Variants in PASK observed in about 807,000 individuals in gnomAD.
PASK encodes the protein PAS domain containing serine/threonine kinase, also known as PAS domain-containing serine/threonine-protein kinase.
A neutral mutation model predicts 121.0 loss-of-function variants in PASK; 110 were observed. The observed-to-expected ratio is 0.91, with a 90% CI of 0.78 to 1.06. The LOEUF is 1.06. Among genes scored for constraint, PASK ranks in the 50% least tolerant of loss-of-function variants. PASK has a pLI of 0.00. For missense variants in PASK, 1,643 were observed against 1,702.3 expected (o/e 0.97, Z 0.61); for synonymous variants, 686 against 717.8 (o/e 0.96, Z 0.71).
At chr2:241,150,153 C>T (rs1177481162), upstream of PASK, 4 of 1,270,882 alleles carry the variant, frequency 3.1e-6, no homozygotes, top group African/African-American at 6.2e-5. Flanking sequence ...CATAAGTCAA[C>T]TCTCAAGCCC....
rs1345418054 is a variant in PASK, at chr2:241,112,515, A to C, written c.3334-76T>G. 1.2e-6 allele frequency: 1 copy of C among 814,390 alleles called. No individual in the cohort carries two copies. The allele number at this position is 814,390 out of a possible 1,614,324, so 50.4% of individuals were successfully genotyped here. A position where few individuals can be genotyped will look rare whatever the true frequency, so the allele number is the denominator to read the frequency against. On this transcript the variant is annotated intron_variant, in intron 14 of 17. Coordinates refer to ENST00000234040, the MANE Select transcript of PASK (RefSeq NM_015148.4). The surrounding 1 kb of genome is among the most constrained non-coding windows in gnomAD (Gnocchi z 5.2). ...ATATGCATTTAAAATAAACTGGAAC[A>C]AAAAAAAACACAAAGAAAAAATAAA...
At chr2:241,110,756 C>T (rs1286508287) in intron 15 of PASK, among the ~76,000 whole-genome samples, 5 of 152,086 alleles carry the variant, frequency 3.3e-5, no homozygotes, top group African/African-American at 4.8e-5. Context: ...CCCTCCAGCA[C>T]GGAGGGCACG....
At chr2:241,150,215 G>A (rs182116419), upstream of PASK, 12 of 1,274,352 alleles carry the variant, frequency 9.4e-6, no homozygotes, top group Admixed American at 4.8e-4. Flanking sequence ...CTGCAGCTAC[G>A]GCTCTGTGCG....
intron 14 of PASK, chr2:241,114,429 C>T (rs970797056): frequency 4.6e-5 from 46 of 992,836 alleles, no homozygotes; most frequent in South Asian, 4.5e-5. Context: ...GGGAGCAGTA[C>T]AGGATGGAAC....
upstream of PASK, chr2:241,149,716 G>A (rs560111033): frequency 2.1e-5 from 33 of 1,550,646 alleles, no homozygotes; most frequent in African/African-American, 3.9e-4. Context: ...TGGGTGAGTA[G>A]CGCAGAGCTC....
At chr2:241,125,609 G>GAAAAAAAAAAAAAAAAAAAA (rs11353969) in intron 10 of PASK, among the ~76,000 whole-genome samples, 1 of 118,396 alleles carries the variant, frequency 8.4e-6, no homozygotes, top group African/African-American at 2.9e-5. Context: ...CAAAAAAAAA[G>GAAAAAAAAAAAAAAAAAAAA]AAAAAAAAAA....
At position 241,126,279 on chromosome 2, in the gene PASK, A is replaced by G. The variant is rs1386720295; in HGVS notation, c.2636T>C (p.Met879Thr). ...VQVTSTPVIV[M>T]RGAAGLQREI... The stretch of plus-strand genomic sequence containing the variant: ...CCGCTGCAGGCCAGCAGCCCCGCGC[A>G]TCACGATCACGGGCGTGGAGGTGAC... Residue 879 changes from methionine (M) to threonine (T), a missense_variant, in exon 10 of 18, where the codon ATG (methionine) becomes ACG (threonine). Met to Thr is a moderately conservative substitution (Grantham distance 81). This residue lies in a region of PASK where 1,176 missense variants were observed against 1,162.2 expected (regional missense o/e 1.01). Transcript: ENST00000234040. 5 of 1,614,072 alleles carry G rather than the reference A, an allele frequency of 3.1e-6. No individual in the cohort carries two copies. In the South Asian group the frequency reaches 3.3e-5, roughly 11 times the overall value.
At chr2:241,111,959 T>G (rs1473628692) in intron 15 of PASK, among the ~76,000 whole-genome samples, 2 of 152,236 alleles carry the variant, frequency 1.3e-5, no homozygotes, top group Non-Finnish European at 2.9e-5. Context: ...AGTGCCATTT[T>G]GGGGGACTCT....
chr2:241,128,915 GA>G (rs1291117061), intron 9 of PASK, among the ~76,000 whole-genome samples: 1 of 151,960 alleles, frequency 6.6e-6, no homozygotes, highest in Admixed American at 6.5e-5. Context: ...GTTCCACAGA[GA>G]AAGGGATTGT....
intron 8 of PASK, among the ~76,000 whole-genome samples, chr2:241,135,007 C>T (rs988170090): frequency 6.6e-6 from 1 of 152,186 alleles, no homozygotes; most frequent in African/African-American, 2.4e-5. Context: ...TGGAAGCAGC[C>T]AGGGGCCTGC....
intron 8 of PASK, 79 bp from the exon 9 acceptor site, chr2:241,133,109 A>T: frequency 7.2e-7 from 1 of 1,388,720 alleles, no homozygotes; most frequent in Non-Finnish European, 1.0e-6. Context: ...CCTGGAACTC[A>T]CTGAGACTGC....
At chr2:241,133,233 G>A in intron 8 of PASK, 5 of 643,260 alleles carry the variant, frequency 7.8e-6, no homozygotes, top group South Asian at 1.7e-5. Context: ...GACACCTGCA[G>A]CCAGCTACCA....
rs777980574 is a variant in PASK, at chr2:241,135,993, G to T, written c.1184C>A (p.Ala395Glu). 1.2e-6 allele frequency: 2 copies of T among 1,613,778 alleles called. No homozygotes were observed. The highest frequency in any genetic ancestry group is 1.7e-6 in the Non-Finnish European group (2 of 1,179,626). ...IPGFYSYMDL[A>E]YNSSLQLPDL... Reference sequence around the variant, plus strand: ...TGGGAGCTGTAATGAGCTGTTGTACGCAAGGTCCATGTAGCTGTAGAAACC... The same window carrying T: ...TGGGAGCTGTAATGAGCTGTTGTACTCAAGGTCCATGTAGCTGTAGAAACC... The change falls in exon 8 of 18, where the codon GCG (alanine) becomes GAG (glutamate). Residue 395 changes from alanine (A) to glutamate (E), a missense_variant. Transcript: ENST00000234040.
intron 10 of PASK, among the ~76,000 whole-genome samples, chr2:241,125,889 G>A (rs55940205): frequency 0.066 from 10,101 of 152,114 alleles, 470 homozygotes; most frequent in East Asian, 0.21. Context: ...TGCTCCCGAC[G>A]GGATCTCCCC....
chr2:241,115,973 T>C (rs368111405), intron 12 of PASK, among the ~76,000 whole-genome samples: 21 of 86,644 alleles, frequency 2.4e-4, no homozygotes, highest in East Asian at 2.1e-3. Context: ...CACCTGGTCC[T>C]CAAGCATCCC....
At chr2:241,106,824 G>T (rs1292946508) in intron 17 of PASK, 101 bp from the exon 18 acceptor site, 7 of 1,182,556 alleles carry the variant, frequency 5.9e-6, no homozygotes, top group African/African-American at 1.5e-5. Flanking sequence ...AGCCTAAGGT[G>T]AGGCCCTCAG....
At chr2:241,150,202 T>C, upstream of PASK, 1 of 1,273,244 alleles carries the variant, frequency 7.9e-7, no homozygotes, top group Non-Finnish European at 9.9e-7. Context: ...CCACTCCGTC[T>C]GCCTGCAGCT....
rs555625605 is a variant in PASK, at chr2:241,138,040, G to T, written c.789C>A (p.Tyr263Ter). The T allele has an allele frequency of 1.2e-6, 2 of 1,614,124 alleles. No individual in the cohort carries two copies. The highest frequency in any genetic ancestry group is 1.7e-6 in the Non-Finnish European group (2 of 1,179,932). ...CDSLFAHLHG[Y>*]VSGEDVAGQH... ...GCCCAGCCACGTCCTCCCCAGACAC[G>T]TACCCGTGAAGATGAGCAAAGAGAC... The change falls in exon 6 of 18, where the codon TAC becomes TAA. Residue 263 changes from tyrosine to a stop codon, truncating the protein, a stop_gained. Coordinates refer to ENST00000234040, the MANE Select transcript of PASK (RefSeq NM_015148.4). LOFTEE classifies it high-confidence loss of function.
Position 241,138,675 on chromosome 2 carries a change from G to C in PASK, c.720C>G (p.Thr240=), listed in dbSNP as rs1459297571. 4 of 1,613,956 alleles carry C rather than the reference G, an allele frequency of 2.5e-6. No individual in the cohort carries two copies. Among genetic ancestry groups the C allele is most frequent in the East Asian group, 2.2e-5 (1 of 44,896 alleles). The part of the protein sequence containing the change: ...VVLEPVERVS[T]WVAFQSDGTV... The stretch of plus-strand genomic sequence containing the variant: ...TCACATCGCTCTGGAAAGCGACCCA[G>C]GTCGAGACCCTCTCCACGGGCTCCA... Residue 240 remains threonine (T), a synonymous_variant, in exon 5 of 18, where the codon ACC becomes ACG. Coordinates refer to ENST00000234040, the MANE Select transcript of PASK (RefSeq NM_015148.4).
Sources: allele counts gnomAD v4.1 joint callset (sites outside exome capture counted in the v4.1 genomes callset), GRCh38; gene constraint gnomAD v4.1.1; regional missense constraint gnomAD v4.1.1; non-coding constraint Gnocchi (gnomAD v3.1); transcripts MANE v1.5; gene names NCBI Gene and HGNC (gene_info 2026-07-23, HGNC 2026-07-21).